Variants in PVT1 observed in about 807,000 individuals in gnomAD.
PVT1 encodes the protein Pvt1 oncogene.
chr8:128,026,149 G>A (rs573645895), intron 4 of PVT1, among the ~76,000 whole-genome samples: 3 of 152,112 alleles, frequency 2.0e-5, no homozygotes, highest in East Asian at 3.9e-4. Flanking sequence ...CACCATGTTG[G>A]CCAGGCTGGT....
chr8:128,079,264 A>G lies in PVT1; in HGVS notation n.1114+8903A>G, dbSNP rs373249034. The stretch of plus-strand genomic sequence containing the variant: ...CAGTGGAATCATTAGATCAAAGGAT[A>G]TGACTGTTGCTCAGCTCTCTGTGTG... On this transcript the variant is annotated intron_variant and non_coding_transcript_variant, in intron 5 of 10. Transcript: ENST00000651587. Among the ~76,000 whole-genome samples, 30 of 152,300 alleles carry G rather than the reference A, an allele frequency of 2.0e-4. No individual in the cohort carries two copies. In the South Asian group the frequency reaches 6.2e-3, roughly 32 times the overall value.
intron 2 of PVT1, among the ~76,000 whole-genome samples, chr8:127,804,782 C>G (rs1303995685): frequency 6.6e-6 from 1 of 150,858 alleles, no homozygotes; most frequent in Non-Finnish European, 1.5e-5. Context: ...TGGTCTTGAA[C>G]TCCTGACCTC....
At chr8:128,032,099 A>G (rs1317168576) in intron 4 of PVT1, among the ~76,000 whole-genome samples, 3 of 152,222 alleles carry the variant, frequency 2.0e-5, no homozygotes, top group African/African-American at 7.2e-5. Context: ...CCTGAGAACA[A>G]GCCTTGGAGG....
chr8:127,920,293 A>G (rs979102449), intron 3 of PVT1, among the ~76,000 whole-genome samples: 1 of 152,228 alleles, frequency 6.6e-6, no homozygotes, highest in Non-Finnish European at 1.5e-5. Context: ...TCACTGAATT[A>G]AGTGATGTTA....
At chr8:127,845,100 A>G (rs79187317) in intron 2 of PVT1, among the ~76,000 whole-genome samples, 6,640 of 152,218 alleles carry the variant, frequency 0.044, 521 homozygotes, top group African/African-American at 0.15. Context: ...TGGTTGTAGT[A>G]GTGGGGAAAG....
intron 3 of PVT1, among the ~76,000 whole-genome samples, chr8:127,904,715 A>G (rs1563635270): frequency 1.3e-5 from 2 of 152,122 alleles, no homozygotes; most frequent in South Asian, 2.1e-4. Flanking sequence ...CCATTTTACC[A>G]CTGACAGACT....
In PVT1 at chr8:127,809,925, A is replaced by T. The variant is rs73351182; in HGVS notation, n.372+13854A>T. On this transcript the variant is annotated intron_variant and non_coding_transcript_variant, in intron 2 of 10. Transcript: ENST00000651587. ...TGTGGTACATTGCTTTTCACAAAAC[A>T]AAAGAGTTCATTTTGTCGGTGAAAA... Among the ~76,000 whole-genome samples the T allele has an allele frequency of 3.4e-3, 513 of 152,330 alleles. 2 individuals carry two copies. Among genetic ancestry groups the T allele is most frequent in the African/African-American group, 0.012 (492 of 41,576 alleles).
At chr8:128,014,404 C>A (rs145614862) in intron 4 of PVT1, among the ~76,000 whole-genome samples, 1 of 152,188 alleles carries the variant, frequency 6.6e-6, no homozygotes, top group Non-Finnish European at 1.5e-5. Flanking sequence ...CATTATTTTG[C>A]GATATCTTCA....
intron 4 of PVT1, among the ~76,000 whole-genome samples, chr8:128,050,489 T>C (rs1813677585): frequency 1.3e-5 from 2 of 152,214 alleles, no homozygotes; most frequent in African/African-American, 4.8e-5. Flanking sequence ...TCAGTTCTGG[T>C]AAACAGGTCT....
intron 2 of PVT1, among the ~76,000 whole-genome samples, chr8:127,853,058 A>G (rs1331243790): frequency 6.6e-6 from 1 of 152,198 alleles, no homozygotes; most frequent in Admixed American, 6.5e-5. Context: ...TTTATCGAGC[A>G]TCTCCCATGG....
rs144583098 is a variant in PVT1, at chr8:127,860,110, G to T, written n.373-30479G>T. On this transcript the variant is annotated intron_variant and non_coding_transcript_variant, in intron 2 of 10. Transcript: ENST00000651587. ...CCAGGAACGGTGTGTGTGCCTCTGG[G>T]CAGGGCCACTTCCTAGAACCATGGG... 1.4e-3 allele frequency among the ~76,000 whole-genome samples: 217 copies of T among 152,292 alleles called. No homozygotes were observed. In the South Asian group the frequency reaches 0.017, roughly 12 times the overall value.
intron 3 of PVT1, among the ~76,000 whole-genome samples, chr8:127,921,853 T>A (rs79611277): frequency 0.033 from 3,229 of 96,438 alleles, 175 homozygotes; most frequent in African/African-American, 0.12. Flanking sequence ...TTTTGGTTCA[T>A]GTTTTTTTTT....
chr8:128,019,654 T>C (rs1307134423), intron 4 of PVT1, among the ~76,000 whole-genome samples: 2 of 152,234 alleles, frequency 1.3e-5, no homozygotes, highest in Non-Finnish European at 2.9e-5. Context: ...GTGCCATTTT[T>C]ATTTACGGTA....
At chr8:128,042,684 C>T (rs1266026518) in intron 4 of PVT1, among the ~76,000 whole-genome samples, 2 of 152,156 alleles carry the variant, frequency 1.3e-5, no homozygotes, top group Non-Finnish European at 2.9e-5. Flanking sequence ...TGAGCCTTCT[C>T]ACCTGTATGA....
intron 3 of PVT1, among the ~76,000 whole-genome samples, chr8:127,957,157 C>T (rs571116981): frequency 1.2e-4 from 19 of 152,148 alleles, no homozygotes; most frequent in African/African-American, 4.6e-4. Context: ...TCACTTGCCC[C>T]AGGTTGCACA....
intron 4 of PVT1, among the ~76,000 whole-genome samples, chr8:128,029,459 G>A (rs1333299095): frequency 2.0e-5 from 3 of 152,090 alleles, no homozygotes; most frequent in African/African-American, 4.8e-5. Flanking sequence ...AGTAGTACAT[G>A]CTGACTGCAC....
intron 5 of PVT1, among the ~76,000 whole-genome samples, chr8:128,095,621 G>C (rs943555455): frequency 6.6e-6 from 1 of 152,192 alleles, no homozygotes; most frequent in Non-Finnish European, 1.5e-5. Context: ...CTGCTATAGT[G>C]GGGGAGTGGA....
chr8:127,863,707 T>C (rs1586411987), intron 2 of PVT1, among the ~76,000 whole-genome samples: 2 of 152,364 alleles, frequency 1.3e-5, no homozygotes, highest in South Asian at 4.1e-4. Flanking sequence ...TATGTGTTGC[T>C]GCAGCACTTA....
At chr8:127,980,033 C>T (rs1025173447) in intron 3 of PVT1, among the ~76,000 whole-genome samples, 2 of 145,232 alleles carry the variant, frequency 1.4e-5, no homozygotes, top group African/African-American at 2.4e-5. Flanking sequence ...GTCCATACCA[C>T]AGCATCCGGC....
Sources: allele counts gnomAD v4.1 joint callset (sites outside exome capture counted in the v4.1 genomes callset), GRCh38; gene constraint gnomAD v4.1.1; transcripts MANE v1.5; gene names NCBI Gene and HGNC (gene_info 2026-07-23, HGNC 2026-07-21).